EXT2: variants seen among roughly 807,000 people sequenced by gnomAD.
The protein encoded by EXT2 is exostosin glycosyltransferase 2, also known as exostosin-2.
EXT2 carries 53 observed loss-of-function variants against 81.6 expected under a neutral mutation model. That is an observed-to-expected ratio of 0.65 (90% CI 0.52 to 0.82). EXT2 has a LOEUF of 0.82. EXT2 is among the 40% of genes least tolerant of loss of function. The pLI is 0.00. For missense variants in EXT2, 774 were observed against 910.2 expected (o/e 0.85, Z 1.93); for synonymous variants, 320 against 340.0 (o/e 0.94, Z 0.65).
intron 10 of EXT2, among the ~76,000 whole-genome samples, chr11:44,212,467 A>G (rs1204258254): frequency 1.3e-5 from 2 of 152,124 alleles, no homozygotes; most frequent in South Asian, 2.1e-4. Context: ...TAGAATGGCT[A>G]TAAGTAAAAT....
chr11:44,152,679 A>C (rs1057405932), intron 7 of EXT2, among the ~76,000 whole-genome samples: 7 of 152,196 alleles, frequency 4.6e-5, no homozygotes, highest in African/African-American at 1.4e-4. Flanking sequence ...TTTTATATTT[A>C]GGTCAGTGAT....
chr11:44,183,128 C>T (rs1955259507), intron 8 of EXT2, among the ~76,000 whole-genome samples: 1 of 152,172 alleles, frequency 6.6e-6, no homozygotes, highest in Admixed American at 6.5e-5. Context: ...CTCAATGTAT[C>T]ATATTGGAGA....
rs1239276052 is a variant in EXT2 at position 44,244,555 on chromosome 11, G to A, written c.*268G>A. On this transcript the variant is annotated 3_prime_UTR_variant, in exon 14 of 14. Transcript: ENST00000533608. ...TGCCAAGTGGAAGACTTTGTGGCAT[G>A]CTCCAGATTTAAATCCAGCTGAGGC... 1 of 480,026 alleles carries A rather than the reference G, an allele frequency of 2.1e-6. No individual in the cohort carries two copies. The highest frequency in any genetic ancestry group is 1.9e-5 in the African/African-American group (1 of 51,976). The allele number at this position is 480,026 out of a possible 1,614,324, so 29.7% of individuals were successfully genotyped here.
At chr11:44,134,414 A>G (rs1221008925) in intron 7 of EXT2, among the ~76,000 whole-genome samples, 1 of 152,180 alleles carries the variant, frequency 6.6e-6, no homozygotes, top group African/African-American at 2.4e-5. Context: ...TAGGTACATT[A>G]TGGGTCATTA....
intron 3 of EXT2, among the ~76,000 whole-genome samples, chr11:44,110,744 G>T (rs939976459): frequency 6.6e-6 from 1 of 152,186 alleles, no homozygotes; most frequent in African/African-American, 2.4e-5. Flanking sequence ...TCTGCAGGAA[G>T]GTGTCAAGTA....
chr11:44,148,537 C>G (rs1954750905), intron 7 of EXT2, among the ~76,000 whole-genome samples: 2 of 152,130 alleles, frequency 1.3e-5, no homozygotes, highest in African/African-American at 4.8e-5. Flanking sequence ...AAAAGCAGGA[C>G]CAGTAAACCC....
At chr11:44,212,384 A>G (rs1265979497) in intron 10 of EXT2, among the ~76,000 whole-genome samples, 1 of 151,840 alleles carries the variant, frequency 6.6e-6, no homozygotes, top group Non-Finnish European at 1.5e-5. Context: ...GACACACAAA[A>G]AAAGTCCTCA....
intron 4 of EXT2, chr11:44,116,522 C>G (rs1366423216): frequency 6.6e-6 from 1 of 152,140 alleles, no homozygotes; most frequent in African/African-American, 2.4e-5. Flanking sequence ...TTCTCTTGAC[C>G]TAGGAGCAGA....
At chr11:44,167,503 C>A (rs980291080) in intron 7 of EXT2, among the ~76,000 whole-genome samples, 1 of 152,138 alleles carries the variant, frequency 6.6e-6, no homozygotes, top group African/African-American at 2.4e-5. Flanking sequence ...AATAAGCTAG[C>A]CCTGACATAG....
At position 44,201,796 on chromosome 11, in the gene EXT2, A is replaced by T. The variant is rs183772181; in HGVS notation, c.1495+3778A>T. 1.4e-4 allele frequency among the ~76,000 whole-genome samples: 22 copies of T among 152,184 alleles called. No homozygotes were observed. In the East Asian group the frequency reaches 3.5e-3, roughly 24 times the overall value. On this transcript the variant is annotated intron_variant, in intron 9 of 13. Coordinates refer to ENST00000533608, the MANE Select transcript of EXT2 (RefSeq NM_207122.2). Reference sequence around the variant, plus strand: ...TTCTCCCTTCTCCTTCTACTGCTCCAGTCCTAATTTTTTTAAAGGTTACCT... The same window carrying T: ...TTCTCCCTTCTCCTTCTACTGCTCCTGTCCTAATTTTTTTAAAGGTTACCT...
intron 5 of EXT2, 89 bp from the exon 6 acceptor site, chr11:44,126,727 C>A: frequency 6.4e-7 from 1 of 1,563,466 alleles, no homozygotes; most frequent in South Asian, 1.1e-5. Context: ...TGGCGTCAAC[C>A]CTTGTAGAAA....
chr11:44,124,423 C>A (rs1273442484), intron 4 of EXT2, among the ~76,000 whole-genome samples: 2 of 144,746 alleles, frequency 1.4e-5, no homozygotes, highest in African/African-American at 5.2e-5. Context: ...GATGTTCCTT[C>A]CAAATTATCA....
chr11:44,136,730 T>G (rs990360279), intron 7 of EXT2, among the ~76,000 whole-genome samples: 65 of 152,138 alleles, frequency 4.3e-4, no homozygotes, highest in Non-Finnish European at 2.5e-4. Context: ...ATGCCAAATA[T>G]TCCCTGCCCC....
In EXT2 at chr11:44,108,013, A is replaced by C. The variant is rs759884709; in HGVS notation, c.301A>C (p.Lys101Gln). Residue 101 changes from lysine (K) to glutamine (Q), a missense_variant, in exon 2 of 14, where the codon AAG becomes CAG. By Grantham distance (53) the Lys-to-Gln change is moderately conservative. Transcript: ENST00000533608. ...FDVYRCGFNP[K>Q]NKIKVYIYAL... Reference sequence around the variant, plus strand: ...TGTCTATCGCTGTGGCTTCAACCCAAAGAACAAAATCAAGGTGTATATCTA... The same window carrying C: ...TGTCTATCGCTGTGGCTTCAACCCACAGAACAAAATCAAGGTGTATATCTA... 2 of 1,614,084 alleles carry C rather than the reference A, an allele frequency of 1.2e-6. No homozygotes were observed. The highest frequency in any genetic ancestry group is 2.7e-5 in the African/African-American group (2 of 74,934).
chr11:44,150,110 G>A (rs574818744), intron 7 of EXT2, among the ~76,000 whole-genome samples: 3 of 152,270 alleles, frequency 2.0e-5, no homozygotes, highest in Non-Finnish European at 4.4e-5. Flanking sequence ...TTAAACTGGA[G>A]GAGGTTAAGA....
At chr11:44,124,371 G>A (rs946459883) in intron 4 of EXT2, among the ~76,000 whole-genome samples, 2 of 150,658 alleles carry the variant, frequency 1.3e-5, no homozygotes, top group African/African-American at 4.9e-5. Context: ...GCTTCCAGTC[G>A]CTTTCAGATC....
chr11:44,155,495 A>AT (rs1479000599), intron 7 of EXT2, among the ~76,000 whole-genome samples: 29 of 150,696 alleles, frequency 1.9e-4, no homozygotes, highest in East Asian at 3.9e-4. Flanking sequence ...CTGTTGCAGG[A>AT]TTTTTTTTAT....
rs1956123812 is a variant in EXT2 at position 44,249,620 on chromosome 11, A to G, written c.*5333A>G. On this transcript the variant is annotated 3_prime_UTR_variant, in exon 14 of 14. Transcript: ENST00000533608. ...TTTGGAATTTTACTTATAGCTGCAA[A>G]TATATCATTGGCTACTATACCCAAG... Among the ~76,000 whole-genome samples the G allele has an allele frequency of 6.6e-6, 1 of 152,212 alleles. No individual in the cohort carries two copies.
intron 8 of EXT2, among the ~76,000 whole-genome samples, chr11:44,182,852 C>G (rs368912369): frequency 6.6e-6 from 1 of 152,160 alleles, no homozygotes; most frequent in Non-Finnish European, 1.5e-5. Flanking sequence ...TCCATTAGAA[C>G]AAAAGAAAAT....
Sources: allele counts gnomAD v4.1 joint callset (sites outside exome capture counted in the v4.1 genomes callset), GRCh38; gene constraint gnomAD v4.1.1; transcripts MANE v1.5; gene names NCBI Gene and HGNC (gene_info 2026-07-23, HGNC 2026-07-21).